The following TFEC variants were observed in gnomAD, a reference collection of about 807,000 sequenced individuals.
The protein encoded by TFEC is transcription factor EC, also known as class E basic helix-loop-helix protein 34.
TFEC carries 31 observed loss-of-function variants against 41.6 expected under a neutral mutation model. That is an observed-to-expected ratio of 0.74 (90% CI 0.56 to 1.01). The LOEUF (loss-of-function observed/expected upper bound fraction) is 1.01. TFEC is among the 50% of genes least tolerant of loss of function. The pLI, the probability that TFEC is intolerant of heterozygous loss-of-function variation, is 0.00. For synonymous variants in TFEC, 143 were observed against 140.6 expected (o/e 1.02, Z -0.12); for missense variants, 402 against 404.1 (o/e 0.99, Z 0.04).
intron 1 of TFEC, among the ~76,000 whole-genome samples, chr7:115,993,804 C>G (rs986419198): frequency 4.7e-5 from 7 of 148,040 alleles, no homozygotes; most frequent in African/African-American, 1.7e-4. Context: ...AGATTCAATA[C>G]CATCCCCATC....
intron 1 of TFEC, among the ~76,000 whole-genome samples, chr7:115,994,453 T>C (rs1014796506): frequency 3.3e-5 from 5 of 151,992 alleles, no homozygotes; most frequent in Non-Finnish European, 7.4e-5. Flanking sequence ...TTACAACCTA[T>C]CCCTCTGACA....
intron 1 of TFEC, among the ~76,000 whole-genome samples, chr7:115,986,602 G>A (rs1793867149): frequency 6.6e-6 from 1 of 151,944 alleles, no homozygotes; most frequent in South Asian, 2.1e-4. Context: ...TACACAGCAG[G>A]CAAAGGAAAG....
intron 3 of TFEC, among the ~76,000 whole-genome samples, chr7:116,058,166 T>C (rs1402316214): frequency 6.6e-6 from 1 of 151,696 alleles, no homozygotes; most frequent in Non-Finnish European, 1.5e-5. Flanking sequence ...AAGTAACAAA[T>C]AGGTTAAAAC....
At chr7:116,037,552 A>G (rs1244407945) in intron 3 of TFEC, among the ~76,000 whole-genome samples, 1 of 152,016 alleles carries the variant, frequency 6.6e-6, no homozygotes, top group Non-Finnish European at 1.5e-5. Flanking sequence ...AGATTTTATT[A>G]CCAGTTTGAG....
chr7:115,949,059 A>C (rs1424645512), intron 6 of TFEC, among the ~76,000 whole-genome samples: 1 of 152,186 alleles, frequency 6.6e-6, no homozygotes, highest in East Asian at 1.9e-4. Context: ...CAAATAACAG[A>C]CAAACGGAGA....
chr7:116,113,838 T>G (rs182562168), intron 1 of TFEC, among the ~76,000 whole-genome samples: 1 of 152,088 alleles, frequency 6.6e-6, no homozygotes, highest in African/African-American at 2.4e-5. Flanking sequence ...AACTCTCAGG[T>G]CTCAGATTTC....
At chr7:116,093,253 A>T (rs1371711377) in intron 3 of TFEC, among the ~76,000 whole-genome samples, 2 of 152,142 alleles carry the variant, frequency 1.3e-5, no homozygotes, top group African/African-American at 4.8e-5. Flanking sequence ...ATATGTTTGA[A>T]AAATGGAAAC....
At chr7:115,941,719 C>T (rs1478839828) in intron 7 of TFEC, 174 bp downstream of exon 7, 9 of 732,742 alleles carry the variant, frequency 1.2e-5, no homozygotes, top group Non-Finnish European at 1.9e-5. Context: ...GATTTCTAGT[C>T]AAATCCTAAT....
At chr7:116,035,482 T>A (rs536706079), upstream of TFEC, among the ~76,000 whole-genome samples, 100 of 152,250 alleles carry the variant, frequency 6.6e-4, no homozygotes, top group African/African-American at 2.4e-3. Context: ...TCTCTTCAAA[T>A]GTTGCAAAGT....
intron 1 of TFEC, among the ~76,000 whole-genome samples, chr7:115,993,810 C>T (rs1352521512): frequency 6.8e-6 from 1 of 147,822 alleles, no homozygotes; most frequent in East Asian, 1.9e-4. Context: ...AATACCATCC[C>T]CATCAAGCTA....
intron 1 of TFEC, among the ~76,000 whole-genome samples, chr7:115,991,358 CA>C (rs1794103500): frequency 6.6e-6 from 1 of 152,146 alleles, no homozygotes; most frequent in Non-Finnish European, 1.5e-5. Flanking sequence ...ATGACAGGAT[CA>C]AATTCACACA....
intron 3 of TFEC, among the ~76,000 whole-genome samples, chr7:116,052,497 C>T (rs1796334018): frequency 6.6e-6 from 1 of 152,122 alleles, no homozygotes; most frequent in Non-Finnish European, 1.5e-5. Flanking sequence ...GGCGCAATCT[C>T]GGCTCACTGC....
chr7:116,040,773 G>A (rs1231614601), intron 3 of TFEC, among the ~76,000 whole-genome samples: 1 of 152,102 alleles, frequency 6.6e-6, no homozygotes, highest in South Asian at 2.1e-4. Context: ...TGCCATTTGG[G>A]TCTCATCTGA....
intron 1 of TFEC, among the ~76,000 whole-genome samples, chr7:116,022,095 T>C (rs1795419740): frequency 6.6e-6 from 1 of 152,108 alleles, no homozygotes; most frequent in Non-Finnish European, 1.5e-5. Context: ...CCTCTTGACA[T>C]GTCCTGGTTA....
At chr7:115,973,297 C>T (rs1053972172) in intron 3 of TFEC, among the ~76,000 whole-genome samples, 3 of 151,650 alleles carry the variant, frequency 2.0e-5, no homozygotes, top group Non-Finnish European at 4.4e-5. Flanking sequence ...TTTTTCTAGG[C>T]CCTAAATTGA....
intron 1 of TFEC, among the ~76,000 whole-genome samples, chr7:116,143,723 C>T (rs1798586685): frequency 6.6e-6 from 1 of 152,184 alleles, no homozygotes; most frequent in African/African-American, 2.4e-5. Flanking sequence ...AGGAAACACA[C>T]TCTCCAGGTG....
chr7:116,149,189 A>G (rs1418555600), intron 1 of TFEC, among the ~76,000 whole-genome samples: 1 of 152,292 alleles, frequency 6.6e-6, no homozygotes, highest in East Asian at 1.9e-4. Flanking sequence ...AAACCATCAA[A>G]AAAGTTAGTT....
chr7:115,948,047 C>T (rs1297004407), intron 6 of TFEC, among the ~76,000 whole-genome samples: 1 of 152,088 alleles, frequency 6.6e-6, no homozygotes, highest in Admixed American at 6.6e-5. Context: ...ATACAAACTA[C>T]CATCAGAGAA....
At chr7:115,954,515 A>G (rs1440870604) in intron 5 of TFEC, 71 bp downstream of exon 5, 1 of 1,298,656 alleles carries the variant, frequency 7.7e-7, no homozygotes, top group Non-Finnish European at 1.1e-6. Context: ...GGAGTATAAT[A>G]AAAGACCACA....
Sources: allele counts gnomAD v4.1 joint callset (sites outside exome capture counted in the v4.1 genomes callset), GRCh38; gene constraint gnomAD v4.1.1; transcripts MANE v1.5; gene names NCBI Gene and HGNC (gene_info 2026-07-23, HGNC 2026-07-21).